Variants in TRIR observed in about 807,000 individuals in gnomAD.
The protein encoded by TRIR is telomerase RNA component interacting RNase.
A neutral mutation model predicts 18.2 loss-of-function variants in TRIR; 5 were observed. That is an observed-to-expected ratio of 0.27 (90% CI 0.14 to 0.58). TRIR has a LOEUF of 0.58. Ranked by LOEUF, TRIR falls within the 20% of genes least tolerant of loss-of-function variation. The pLI is 0.91. For synonymous variants in TRIR, 134 were observed against 114.4 expected (o/e 1.17, Z -1.10); for missense variants, 206 against 252.8 (o/e 0.81, Z 1.25).
chr19:12,732,058 A>T (rs1967439086), intron 1 of TRIR, among the ~76,000 whole-genome samples: 1 of 138,506 alleles, frequency 7.2e-6, no homozygotes, highest in Admixed American at 8.0e-5. Flanking sequence ...TGGGAGGAGG[A>T]GGTTGCAGTG....
chr19:12,731,651 AG>A lies in TRIR; in HGVS notation c.346-231del. The A allele has an allele frequency of 1.7e-6, 1 of 573,068 alleles. No individual in the cohort carries two copies. The highest frequency in any genetic ancestry group is 3.1e-6 in the Non-Finnish European group (1 of 322,088). The allele number at this position is 573,068 out of a possible 1,614,324, so 35.5% of individuals were successfully genotyped here. On this transcript the variant is annotated intron_variant, in intron 1 of 2. Transcript: ENST00000242784. This position sits in a 1 kb window ranked among gnomAD's most constrained non-coding sequence, Gnocchi z 5.1. The stretch of plus-strand genomic sequence containing the variant: ...GAGCAAGAAGAGTGTCCACCTCAGT[AG>A]GGACCAGCTCTGTTCTCACTTTCCA...
rs763636767 is a variant in TRIR, at chr19:12,734,302, C to T, written c.345+11G>A. On this transcript the variant is annotated intron_variant, in intron 1 of 2. Transcript: ENST00000242784. The surrounding 1 kb of genome is among the most constrained non-coding windows in gnomAD (Gnocchi z 4.1). ...GCCGTGGCGCCCGCCCCCACCCCCA[C>T]GGCTCCTTACGAAGCTAAGTGTGGA... 77 of 1,392,756 alleles carry T rather than the reference C, an allele frequency of 5.5e-5. 1 individual carries two copies. Among genetic ancestry groups the T allele is most frequent in the Non-Finnish European group, 6.3e-5 (68 of 1,074,186 alleles). 86.3% of individuals were successfully genotyped at this position (1,392,756 alleles called of 1,614,324 possible). A position where few individuals can be genotyped will look rare whatever the true frequency, so the allele number is the denominator to read the frequency against.
rs939427879 is a variant in TRIR at position 12,731,065 on chromosome 19, A to G, written c.427T>C (p.Leu143=). The G allele has an allele frequency of 5.0e-6, 8 of 1,613,106 alleles. No homozygotes were observed. In the African/African-American group the frequency reaches 8.0e-5, roughly 16 times the overall value. ...AKKQKTEDEV[L]TSKGDAWAKY... is the part of the protein sequence containing the mutation. ...GCCCACGCGTCACCTTTACTTGTTA[A>G]TACCTGTGGAAAGGGGATACGGGTT... Residue 143 remains leucine, a synonymous_variant, in exon 3 of 3, where the codon TTA becomes CTA. Coordinates refer to ENST00000242784, the MANE Select transcript of TRIR (RefSeq NM_024038.4). This position sits in a 1 kb window ranked among gnomAD's most constrained non-coding sequence, Gnocchi z 5.1.
In TRIR at chr19:12,730,701, G is replaced by A; in HGVS notation, c.*260C>T. On this transcript the variant is annotated 3_prime_UTR_variant, in exon 3 of 3. Coordinates refer to ENST00000242784, the MANE Select transcript of TRIR (RefSeq NM_024038.4). ...GATGGCTAAGGGGAGGGAGGAGGGT[G>A]AGAAGAGGAAGACAGAAAGAGCCAG... The A allele has an allele frequency of 1.8e-6, 1 of 547,472 alleles. No individual in the cohort carries two copies. Among genetic ancestry groups the A allele is most frequent in the South Asian group, 2.1e-5 (1 of 46,732 alleles). The allele number at this position is 547,472 out of a possible 1,614,324, so 33.9% of individuals were successfully genotyped here. A position where few individuals can be genotyped will look rare whatever the true frequency, so the allele number is the denominator to read the frequency against.
At position 12,734,175 on chromosome 19, in the gene TRIR, A is replaced by T. The variant is rs1967486738; in HGVS notation, c.345+138T>A. On this transcript the variant is annotated intron_variant, in intron 1 of 2. Coordinates refer to ENST00000242784, the MANE Select transcript of TRIR (RefSeq NM_024038.4). This position sits in a 1 kb window ranked among gnomAD's most constrained non-coding sequence, Gnocchi z 4.1. ...CCCAGTTGTCGGGAATCCAAGTTCC[A>T]CACCCTCAGCGGGTGACCCGGACGG... 2.2e-6 allele frequency: 2 copies of T among 913,246 alleles called. No homozygotes were observed. Among genetic ancestry groups the T allele is most frequent in the Non-Finnish European group, 3.0e-6 (2 of 656,930 alleles). The allele number at this position is 913,246 out of a possible 1,614,324, so 56.6% of individuals were successfully genotyped here. A position where few individuals can be genotyped will look rare whatever the true frequency, so the allele number is the denominator to read the frequency against.
Position 12,731,756 on chromosome 19 carries a change from A to G in TRIR, c.346-335T>C. 3.4e-6 allele frequency: 1 copy of G among 290,156 alleles called. No individual in the cohort carries two copies. Among genetic ancestry groups the G allele is most frequent in the Non-Finnish European group, 6.5e-6 (1 of 153,708 alleles). The allele number at this position is 290,156 out of a possible 1,614,324, so 18.0% of individuals were successfully genotyped here. On this transcript the variant is annotated intron_variant, in intron 1 of 2. Coordinates refer to ENST00000242784, the MANE Select transcript of TRIR (RefSeq NM_024038.4). The surrounding 1 kb of genome is among the most constrained non-coding windows in gnomAD (Gnocchi z 5.1). ...TTTATTGAGCATGTACTGTATGCCA[A>G]GCCCTGTGCCAAGTGCTGTGGATGT...
Position 12,731,520 on chromosome 19 carries a change from C to T in TRIR, c.346-99G>A, listed in dbSNP as rs756860032. On this transcript the variant is annotated intron_variant, in intron 1 of 2. Transcript: ENST00000242784. The surrounding 1 kb of genome is among the most constrained non-coding windows in gnomAD (Gnocchi z 5.1). ...ACCTTCCTAGCCCGGCCTGGTGGCC[C>T]GTCCTGACGCCGCGCCCAGCTCCGC... is the stretch of plus-strand genomic sequence containing the variant. 7.7e-6 allele frequency: 10 copies of T among 1,301,136 alleles called. No homozygotes were observed. The highest frequency in any genetic ancestry group is 7.1e-5 in the Admixed American group (3 of 42,108). The allele number at this position is 1,301,136 out of a possible 1,614,324, so 80.6% of individuals were successfully genotyped here. A position where few individuals can be genotyped will look rare whatever the true frequency, so the allele number is the denominator to read the frequency against.
chr19:12,732,340 C>A (rs1279498791), intron 1 of TRIR, among the ~76,000 whole-genome samples: 1 of 151,914 alleles, frequency 6.6e-6, no homozygotes, highest in East Asian at 1.9e-4. Context: ...CCAAAATGGC[C>A]CCTCAATGAA....
rs1212891499 is a variant in TRIR, at chr19:12,731,747, T to G, written c.346-326A>C. On this transcript the variant is annotated intron_variant, in intron 1 of 2. Transcript: ENST00000242784. The surrounding 1 kb of genome is among the most constrained non-coding windows in gnomAD (Gnocchi z 5.1). ...ACAGCTCCCTTTATTGAGCATGTACTGTATGCCAAGCCCTGTGCCAAGTGC... is the reference window on the plus strand; with the variant it reads ...ACAGCTCCCTTTATTGAGCATGTACGGTATGCCAAGCCCTGTGCCAAGTGC... The G allele has an allele frequency of 1.2e-5, 4 of 329,282 alleles. No homozygotes were observed. The highest frequency in any genetic ancestry group is 4.3e-5 in the African/African-American group (2 of 46,102). The allele number at this position is 329,282 out of a possible 1,614,324, so 20.4% of individuals were successfully genotyped here. A position where few individuals can be genotyped will look rare whatever the true frequency, so the allele number is the denominator to read the frequency against.
In TRIR at chr19:12,734,379, C is replaced by T. The variant is rs779316270; in HGVS notation, c.279G>A (p.Gln93=). The part of the protein sequence containing the change: ...EPPPGPQRPD[Q]SAAAAGPGDP... The stretch of plus-strand genomic sequence containing the variant: ...CCCCGGGGCCAGCGGCGGCGGCCGA[C>T]TGGTCGGGTCGCTGCGGACCCGGGG... The change falls in exon 1 of 3, where the codon CAG becomes CAA. Residue 93 remains glutamine, a synonymous_variant. Coordinates refer to ENST00000242784, the MANE Select transcript of TRIR (RefSeq NM_024038.4). This position sits in a 1 kb window ranked among gnomAD's most constrained non-coding sequence, Gnocchi z 4.1. 2 of 1,482,842 alleles carry T rather than the reference C, an allele frequency of 1.3e-6. No homozygotes were observed. Among genetic ancestry groups the T allele is most frequent in the South Asian group, 2.6e-5 (2 of 77,136 alleles). The allele number at this position is 1,482,842 out of a possible 1,614,324, so 91.9% of individuals were successfully genotyped here. A position where few individuals can be genotyped will look rare whatever the true frequency, so the allele number is the denominator to read the frequency against.
intron 1 of TRIR, among the ~76,000 whole-genome samples, chr19:12,733,295 G>GC: frequency 6.6e-6 from 1 of 152,202 alleles, no homozygotes; most frequent in East Asian, 1.9e-4. Flanking sequence ...CAGAACTAGA[G>GC]CCCCCAGTCT....
In TRIR at chr19:12,734,632, T is replaced by G; in HGVS notation, c.26A>C (p.Glu9Ala). MAARGRRA[E>A]PQGREAPGPA... ...GCCCGGAGCCTCCCGGCCCTGAGGCTCCGCCCGTCTCCCTCGGGCAGCCAT... is the reference window on the plus strand; with the variant it reads ...GCCCGGAGCCTCCCGGCCCTGAGGCGCCGCCCGTCTCCCTCGGGCAGCCAT... Residue 9 changes from glutamate to alanine, a missense_variant, in exon 1 of 3, where the codon GAG becomes GCG. Around this residue, in one of 2 missense-constraint regions of TRIR, gnomAD observed 172 missense variants for 165.0 expected, o/e 1.04. Coordinates refer to ENST00000242784, the MANE Select transcript of TRIR (RefSeq NM_024038.4). This position sits in a 1 kb window ranked among gnomAD's most constrained non-coding sequence, Gnocchi z 4.1. The G allele has an allele frequency of 1.3e-6, 2 of 1,510,664 alleles. No homozygotes were observed. The highest frequency in any genetic ancestry group is 8.8e-7 in the Non-Finnish European group (1 of 1,136,626). The allele number at this position is 1,510,664 out of a possible 1,614,324, so 93.6% of individuals were successfully genotyped here.
intron 1 of TRIR, among the ~76,000 whole-genome samples, chr19:12,733,008 A>C (rs1967464042): frequency 6.6e-6 from 1 of 151,920 alleles, no homozygotes; most frequent in South Asian, 2.1e-4. Flanking sequence ...GGCTCAAGCG[A>C]TCCTCCTGTC....
intron 1 of TRIR, among the ~76,000 whole-genome samples, chr19:12,732,146 AAAG>A (rs1967442673): frequency 6.7e-6 from 1 of 149,988 alleles, no homozygotes; most frequent in African/African-American, 2.4e-5. Context: ...AAAAAAAAGA[AAAG>A]AAAAAAAGAA....
chr19:12,732,863 T>C (rs1967461079), intron 1 of TRIR, among the ~76,000 whole-genome samples: 2 of 152,230 alleles, frequency 1.3e-5, no homozygotes, highest in East Asian at 3.9e-4. Context: ...GTGCTGGGAT[T>C]ACAGGGATGA....
rs1327020829 is a variant in TRIR, at chr19:12,731,448, C to T, written c.346-27G>A. 5.0e-6 allele frequency: 8 copies of T among 1,602,304 alleles called. No homozygotes were observed. The highest frequency in any genetic ancestry group is 6.8e-6 in the Non-Finnish European group (8 of 1,172,988). On this transcript the variant is annotated intron_variant, in intron 1 of 2. Coordinates refer to ENST00000242784, the MANE Select transcript of TRIR (RefSeq NM_024038.4). This position sits in a 1 kb window ranked among gnomAD's most constrained non-coding sequence, Gnocchi z 5.1. ...TGGGTGAAGGGACAGAAGACTGCAACGGTTACAGGAGCCGGGACCGCCCTT... is the reference window on the plus strand; with the variant it reads ...TGGGTGAAGGGACAGAAGACTGCAATGGTTACAGGAGCCGGGACCGCCCTT...
Position 12,731,523 on chromosome 19 carries a change from C to A in TRIR, c.346-102G>T, listed in dbSNP as rs1599440289. The stretch of plus-strand genomic sequence containing the variant: ...TTCCTAGCCCGGCCTGGTGGCCCGT[C>A]CTGACGCCGCGCCCAGCTCCGCCAG... On this transcript the variant is annotated intron_variant, in intron 1 of 2. Coordinates refer to ENST00000242784, the MANE Select transcript of TRIR (RefSeq NM_024038.4). The surrounding 1 kb of genome is among the most constrained non-coding windows in gnomAD (Gnocchi z 5.1). 2 of 1,266,548 alleles carry A rather than the reference C, an allele frequency of 1.6e-6. No homozygotes were observed. Among genetic ancestry groups the A allele is most frequent in the Non-Finnish European group, 2.2e-6 (2 of 920,056 alleles). 78.5% of individuals were successfully genotyped at this position (1,266,548 alleles called of 1,614,324 possible). A position where few individuals can be genotyped will look rare whatever the true frequency, so the allele number is the denominator to read the frequency against.
chr19:12,731,236 G>C lies in TRIR; in HGVS notation c.423+108C>G. On this transcript the variant is annotated intron_variant, in intron 2 of 2. Coordinates refer to ENST00000242784, the MANE Select transcript of TRIR (RefSeq NM_024038.4). The surrounding 1 kb of genome is among the most constrained non-coding windows in gnomAD (Gnocchi z 5.1). ...CATTGACAGCCCTCCTACCCTGCCA[G>C]GCACACTCATAAAAGGCCTGGATAC... The C allele has an allele frequency of 7.1e-7, 1 of 1,408,194 alleles. No homozygotes were observed. The highest frequency in any genetic ancestry group is 2.3e-5 in the East Asian group (1 of 43,826). 87.2% of individuals were successfully genotyped at this position (1,408,194 alleles called of 1,614,324 possible). A position where few individuals can be genotyped will look rare whatever the true frequency, so the allele number is the denominator to read the frequency against.
At position 12,731,513 on chromosome 19, in the gene TRIR, G is replaced by A. The variant is rs1568344571; in HGVS notation, c.346-92C>T. ...CCACTACACCTTCCTAGCCCGGCCT[G>A]GTGGCCCGTCCTGACGCCGCGCCCA... is the stretch of plus-strand genomic sequence containing the variant. On this transcript the variant is annotated intron_variant, in intron 1 of 2. Transcript: ENST00000242784. The surrounding 1 kb of genome is among the most constrained non-coding windows in gnomAD (Gnocchi z 5.1). 3 of 1,387,382 alleles carry A rather than the reference G, an allele frequency of 2.2e-6. No individual in the cohort carries two copies. Among genetic ancestry groups the A allele is most frequent in the Admixed American group, 2.2e-5 (1 of 45,788 alleles). 85.9% of individuals were successfully genotyped at this position (1,387,382 alleles called of 1,614,324 possible). A position where few individuals can be genotyped will look rare whatever the true frequency, so the allele number is the denominator to read the frequency against.
Sources: allele counts gnomAD v4.1 joint callset (sites outside exome capture counted in the v4.1 genomes callset), GRCh38; gene constraint gnomAD v4.1.1; regional missense constraint gnomAD v4.1.1; non-coding constraint Gnocchi (gnomAD v3.1); transcripts MANE v1.5; gene names NCBI Gene and HGNC (gene_info 2026-07-23, HGNC 2026-07-21).